RFX7: variants seen among roughly 807,000 people sequenced by gnomAD.
RFX7 encodes regulatory factor X7, also known as DNA-binding protein RFX7.
RFX7 carries 26 observed loss-of-function variants against 111.8 expected under a neutral mutation model. That is an observed-to-expected ratio of 0.23 (90% CI 0.17 to 0.32). The LOEUF is 0.32. Among genes scored for constraint, RFX7 ranks in the 10% least tolerant of loss-of-function variants. The probability of loss-of-function intolerance (pLI) is 1.00; values close to 1 mark genes in which losing one functional copy is unlikely to be tolerated. For missense variants in RFX7, 1,573 were observed against 1,772.9 expected, an observed-to-expected ratio of 0.89 and a Z score of 2.02; for synonymous variants, 624 against 624.4, an observed-to-expected ratio of 1.00 and a Z score of 0.01.
intron 3 of RFX7, among the ~76,000 whole-genome samples, chr15:56,166,691 A>G (rs1379166740): frequency 6.6e-6 from 1 of 152,190 alleles, no homozygotes; most frequent in African/African-American, 2.4e-5. Flanking sequence ...GATGACATGT[A>G]GCAGCTGATA....
chr15:56,153,819 G>A (rs2042611542), intron 3 of RFX7, among the ~76,000 whole-genome samples: 1 of 152,102 alleles, frequency 6.6e-6, no homozygotes, highest in Non-Finnish European at 1.5e-5. Context: ...AAAGCATAAA[G>A]GGTATTCAAA....
intron 2 of RFX7, among the ~76,000 whole-genome samples, chr15:56,202,998 G>C (rs2043208952): frequency 6.6e-6 from 1 of 152,124 alleles, no homozygotes; most frequent in Non-Finnish European, 1.5e-5. Context: ...GGACAGCAAA[G>C]TGATCAGTAT....
chr15:56,146,255 A>G (rs1422822339), intron 3 of RFX7, among the ~76,000 whole-genome samples: 1 of 152,074 alleles, frequency 6.6e-6, no homozygotes, highest in South Asian at 2.1e-4. Flanking sequence ...GTGCCACCAC[A>G]GCCACATAAT....
chr15:56,224,052 G>A (rs1369830831), intron 2 of RFX7, among the ~76,000 whole-genome samples: 4 of 151,278 alleles, frequency 2.6e-5, no homozygotes, highest in South Asian at 2.1e-4. Context: ...ATAACCTTCA[G>A]GGATAGGCAA....
At chr15:56,234,828 CT>C (rs1477076936) in intron 2 of RFX7, among the ~76,000 whole-genome samples, 1 of 152,166 alleles carries the variant, frequency 6.6e-6, no homozygotes, top group Non-Finnish European at 1.5e-5. Context: ...TTCCTATCAA[CT>C]TTACATATTA....
chr15:56,242,279 C>T (rs1408598901), intron 2 of RFX7, among the ~76,000 whole-genome samples: 4 of 152,130 alleles, frequency 2.6e-5, no homozygotes. Flanking sequence ...TCCTACAAAA[C>T]AATGCAAGTT....
rs1266129492 is a variant in RFX7, at chr15:56,213,681, A to AAT, written c.161+29442_161+29443dup. Among the ~76,000 whole-genome samples, 15 of 152,302 alleles carry AAT rather than the reference A, an allele frequency of 9.8e-5. 1 individual carries two copies. Among genetic ancestry groups the AAT allele is most frequent in the Admixed American group, 7.8e-4 (12 of 15,300 alleles). ...AGATGACACCACTGGGGGACTGGGT[A>AAT]ATAAAGGGTACACATGATCTCTCTT... On this transcript the variant is annotated intron_variant, in intron 2 of 9. Coordinates refer to ENST00000559447, the MANE Select transcript of RFX7 (RefSeq NM_022841.7).
At position 56,092,165 on chromosome 15, in the gene RFX7, T is replaced by G. The variant is rs1220912156; in HGVS notation, c.*1180A>C. The stretch of plus-strand genomic sequence containing the variant: ...TTGCAATTGTGGTTATCACAATAAA[T>G]AAATTAAGCAAGTAATAAAATGCTC... On this transcript the variant is annotated 3_prime_UTR_variant, in exon 10 of 10. Transcript: ENST00000559447. 1.3e-5 allele frequency: 2 copies of G among 152,524 alleles called. No individual in the cohort carries two copies. The highest frequency in any genetic ancestry group is 2.4e-5 in the African/African-American group (1 of 41,452). The allele number at this position is 152,524 out of a possible 1,614,324, so 9.4% of individuals were successfully genotyped here.
chr15:56,224,036 T>G (rs2043454408), intron 2 of RFX7, among the ~76,000 whole-genome samples: 1 of 152,032 alleles, frequency 6.6e-6, no homozygotes, highest in Non-Finnish European at 1.5e-5. Flanking sequence ...TTTTTTTTTT[T>G]GAAGGATAAC....
At chr15:56,105,332 A>T (rs1218363223) in intron 5 of RFX7, among the ~76,000 whole-genome samples, 1 of 152,168 alleles carries the variant, frequency 6.6e-6, no homozygotes, top group Non-Finnish European at 1.5e-5. Flanking sequence ...TGTCTTCTTC[A>T]TCACACTAAG....
In RFX7 at chr15:56,241,927, C is replaced by T. The variant is rs188963931; in HGVS notation, c.161+1198G>A. Among the ~76,000 whole-genome samples, 60 of 152,320 alleles carry T rather than the reference C, an allele frequency of 3.9e-4. 1 individual carries two copies. In the East Asian group the frequency reaches 9.1e-3, roughly 23 times the overall value. On this transcript the variant is annotated intron_variant, in intron 2 of 9. Coordinates refer to ENST00000559447, the MANE Select transcript of RFX7 (RefSeq NM_022841.7). The stretch of plus-strand genomic sequence containing the variant: ...GACCTACTTCATATCAGCATCATGA[C>T]GGCATGGATGCATGCCAAGAAAATA...
upstream of RFX7, chr15:56,244,045 C>G (rs1329289416): frequency 6.6e-6 from 1 of 151,100 alleles, no homozygotes; most frequent in African/African-American, 2.4e-5. Flanking sequence ...CGGGAGGAGT[C>G]CGGCCCGGCT....
intron 3 of RFX7, 126 bp from the exon 4 acceptor site, chr15:56,144,609 C>T: frequency 3.1e-6 from 1 of 323,500 alleles, no homozygotes; most frequent in Non-Finnish European, 6.3e-6. Context: ...AATCATCTGT[C>T]TTTTCTCATC....
At chr15:56,213,144 G>A (rs183119286) in intron 2 of RFX7, among the ~76,000 whole-genome samples, 1 of 152,272 alleles carries the variant, frequency 6.6e-6, no homozygotes, top group Admixed American at 6.5e-5. Flanking sequence ...ACTACCATAT[G>A]ACCAAGCAAT....
chr15:56,109,899 C>T (rs1459367279), intron 5 of RFX7, among the ~76,000 whole-genome samples: 4 of 151,874 alleles, frequency 2.6e-5, no homozygotes, highest in East Asian at 2.0e-4. Flanking sequence ...GCAGCCACCC[C>T]GTCCGGGAGG....
At position 56,128,503 on chromosome 15, in the gene RFX7, C is replaced by G. The variant is rs564312655; in HGVS notation, c.401+14275G>C. ...TTTGATATAATCATCTCAATAGATG[C>G]AGAAAAAACGTTTGACAGATATCCA... On this transcript the variant is annotated intron_variant, in intron 5 of 9. Transcript: ENST00000559447. Among the ~76,000 whole-genome samples the G allele has an allele frequency of 5.9e-5, 9 of 152,146 alleles. No individual in the cohort carries two copies. In the East Asian group the frequency reaches 1.7e-3, roughly 29 times the overall value.
chr15:56,198,827 T>C (rs1567044012), intron 2 of RFX7, among the ~76,000 whole-genome samples: 1 of 152,120 alleles, frequency 6.6e-6, no homozygotes, highest in Non-Finnish European at 1.5e-5. Context: ...CATTGTCTTT[T>C]CTCTCCTTTT....
intron 3 of RFX7, among the ~76,000 whole-genome samples, chr15:56,146,344 G>A (rs1186595593): frequency 6.6e-6 from 1 of 152,084 alleles, no homozygotes; most frequent in Non-Finnish European, 1.5e-5. Context: ...GGCCTCAAGT[G>A]ATCCTCCTGC....
Position 56,094,441 on chromosome 15 carries a change from T to G in RFX7, c.3287A>C (p.Lys1096Thr). The G allele has an allele frequency of 6.2e-7, 1 of 1,613,926 alleles. No individual in the cohort carries two copies. The highest frequency in any genetic ancestry group is 8.5e-7 in the Non-Finnish European group (1 of 1,179,858). The change falls in exon 10 of 10, where the codon AAA (lysine) becomes ACA (threonine). Residue 1096 changes from lysine (K) to threonine (T), a missense_variant. Lys to Thr is a moderately conservative substitution (Grantham distance 78). Coordinates refer to ENST00000559447, the MANE Select transcript of RFX7 (RefSeq NM_022841.7). ...YQELVEDRFR[K>T]PHAFAVPGQS... is the part of the protein sequence containing the mutation. ...TCCAGGCACAGCAAAAGCATGAGGT[T>G]TCCTGAAACGGTCTTCCACTAGTTC...
Sources: allele counts gnomAD v4.1 joint callset (sites outside exome capture counted in the v4.1 genomes callset), GRCh38; gene constraint gnomAD v4.1.1; transcripts MANE v1.5; gene names NCBI Gene and HGNC (gene_info 2026-07-23, HGNC 2026-07-21).